Variants in AUTS2 observed in about 807,000 individuals in gnomAD.
AUTS2 encodes autism susceptibility gene 2 protein.
A neutral mutation model predicts 112.4 loss-of-function variants in AUTS2; 17 were observed. The ratio of observed to expected loss-of-function variants is 0.15; its 90% CI spans 0.10 to 0.23. The LOEUF (loss-of-function observed/expected upper bound fraction) is 0.23. Ranked by LOEUF, AUTS2 falls within the 10% of genes least tolerant of loss-of-function variation. The probability of loss-of-function intolerance (pLI) is 1.00; values close to 1 mark genes in which losing one functional copy is unlikely to be tolerated. For missense variants in AUTS2, 1,510 were observed against 1,701.6 expected, an observed-to-expected ratio of 0.89 and a Z score of 1.98; for synonymous variants, 751 against 702.7, an observed-to-expected ratio of 1.07 and a Z score of -1.09.
Position 70,321,826 on chromosome 7 carries a change from C to T in AUTS2, c.661-113926C>T, listed in dbSNP as rs189640193. On this transcript the variant is annotated intron_variant, in intron 4 of 18. Transcript: ENST00000342771. Reference sequence around the variant, plus strand: ...TGAATTTATTATTATATGTCCCTCCCGCCCCGAGAATAGTACCCTATAGTT... The same window carrying T: ...TGAATTTATTATTATATGTCCCTCCTGCCCCGAGAATAGTACCCTATAGTT... Among the ~76,000 whole-genome samples, 79 of 152,156 alleles carry T rather than the reference C, an allele frequency of 5.2e-4. No homozygotes were observed. The Middle Eastern group carries it at 0.01, about 20-fold the overall frequency.
intron 2 of AUTS2, among the ~76,000 whole-genome samples, chr7:70,094,507 C>T (rs561830294): frequency 2.6e-5 from 4 of 152,338 alleles, no homozygotes; most frequent in Admixed American, 2.6e-4. Context: ...CTGTTTTCTT[C>T]TCCCTTTTCA....
chr7:69,668,569 T>C (rs1347991760), intron 1 of AUTS2, among the ~76,000 whole-genome samples: 1 of 152,196 alleles, frequency 6.6e-6, no homozygotes, highest in Non-Finnish European at 1.5e-5. Flanking sequence ...AGAGTAAATA[T>C]CTTTTCTCTT....
chr7:69,897,464 C>G (rs1293562889), intron 1 of AUTS2, among the ~76,000 whole-genome samples: 1 of 151,946 alleles, frequency 6.6e-6, no homozygotes, highest in Non-Finnish European at 1.5e-5. Context: ...AATAGACTCC[C>G]TTAGGCCCTT....
At chr7:70,381,609 A>G (rs1367986362) in intron 4 of AUTS2, among the ~76,000 whole-genome samples, 1 of 152,206 alleles carries the variant, frequency 6.6e-6, no homozygotes, top group South Asian at 2.1e-4. Flanking sequence ...AATATTGTGG[A>G]CCTAAATGGA....
chr7:69,987,158 A>G (rs558313817), intron 2 of AUTS2, among the ~76,000 whole-genome samples: 1 of 152,330 alleles, frequency 6.6e-6, no homozygotes, highest in African/African-American at 2.4e-5. Context: ...AGCTATTTAT[A>G]AAGGAGTGAT....
At position 70,610,142 on chromosome 7, in the gene AUTS2, G is replaced by A. The variant is rs150040662; in HGVS notation, c.691-88427G>A. ...AGCCTCTGAGTAGCTAGGATTACAG[G>A]CATGTGCCACTGTGCCCAGGTAATT... On this transcript the variant is annotated intron_variant, in intron 5 of 18. Transcript: ENST00000342771. Among the ~76,000 whole-genome samples the A allele has an allele frequency of 8.8e-3, 1,342 of 152,174 alleles. 17 individuals are homozygous for A. The highest frequency in any genetic ancestry group is 0.029 in the African/African-American group (1,215 of 41,510).
At chr7:70,214,754 T>C (rs1811087946) in intron 4 of AUTS2, among the ~76,000 whole-genome samples, 1 of 152,230 alleles carries the variant, frequency 6.6e-6, no homozygotes, top group Non-Finnish European at 1.5e-5. Context: ...CTTGGATCTG[T>C]ATATTTGGCT....
At chr7:70,297,155 G>C (rs901283856) in intron 4 of AUTS2, among the ~76,000 whole-genome samples, 1 of 151,786 alleles carries the variant, frequency 6.6e-6, no homozygotes, top group Admixed American at 6.6e-5. Context: ...AGGCCTCCCA[G>C]GGTATACTTT....
intron 2 of AUTS2, among the ~76,000 whole-genome samples, chr7:70,012,066 C>G (rs1799831642): frequency 6.6e-6 from 1 of 152,186 alleles, no homozygotes; most frequent in East Asian, 1.9e-4. Context: ...CTTTCTTGCT[C>G]CATTTTCATC....
intron 1 of AUTS2, among the ~76,000 whole-genome samples, chr7:69,806,908 C>T (rs1383877549): frequency 1.3e-5 from 2 of 152,116 alleles, no homozygotes; most frequent in African/African-American, 2.4e-5. Context: ...CAGATTTGGT[C>T]GCGGGAAAAG....
chr7:70,683,665 A>C (rs1483047815), intron 5 of AUTS2, among the ~76,000 whole-genome samples: 3 of 152,272 alleles, frequency 2.0e-5, no homozygotes, highest in African/African-American at 7.2e-5. Flanking sequence ...ATTCATTTGC[A>C]ATACAGATCT....
chr7:69,817,686 GAGAGCTGGGC>G (rs1049373941), intron 1 of AUTS2, among the ~76,000 whole-genome samples: 3 of 152,114 alleles, frequency 2.0e-5, no homozygotes, highest in Non-Finnish European at 4.4e-5. Flanking sequence ...CAGAAGCGTG[GAGAGCTGGGC>G]AGAGGTGGAG....
intron 1 of AUTS2, among the ~76,000 whole-genome samples, chr7:69,642,569 G>A (rs1379954187): frequency 1.3e-5 from 2 of 152,180 alleles, no homozygotes; most frequent in Non-Finnish European, 2.9e-5. Context: ...GCTCAGTGAC[G>A]AGTGTATTCT....
chr7:70,460,238 A>G (rs1451082813), intron 5 of AUTS2, among the ~76,000 whole-genome samples: 3 of 151,398 alleles, frequency 2.0e-5, no homozygotes, highest in Non-Finnish European at 2.9e-5. Flanking sequence ...AGGAGGGACC[A>G]GAAAGGTGAG....
chr7:70,510,270 T>G (rs1209842150), intron 5 of AUTS2, among the ~76,000 whole-genome samples: 1 of 152,240 alleles, frequency 6.6e-6, no homozygotes, highest in South Asian at 2.1e-4. Flanking sequence ...CCCCATATCT[T>G]AGGCACTACA....
At chr7:70,703,758 G>A (rs1809590137) in intron 6 of AUTS2, among the ~76,000 whole-genome samples, 1 of 152,150 alleles carries the variant, frequency 6.6e-6, no homozygotes, top group South Asian at 2.1e-4. Flanking sequence ...TTTTTGTCAT[G>A]CCTTAAATTC....
chr7:69,838,438 C>A (rs149664461), intron 1 of AUTS2, among the ~76,000 whole-genome samples: 2 of 152,224 alleles, frequency 1.3e-5, no homozygotes, highest in African/African-American at 2.4e-5. Flanking sequence ...CCCTGTTTTA[C>A]AAGTGAGGAA....
At chr7:70,626,718 A>G (rs1277792573) in intron 5 of AUTS2, among the ~76,000 whole-genome samples, 1 of 152,084 alleles carries the variant, frequency 6.6e-6, no homozygotes, top group African/African-American at 2.4e-5. Flanking sequence ...TTTTATGTCC[A>G]TGTCTACCCA....
chr7:69,637,052 A>C (rs961868845), intron 1 of AUTS2, among the ~76,000 whole-genome samples: 17 of 152,204 alleles, frequency 1.1e-4, no homozygotes, highest in Non-Finnish European at 2.2e-4. Flanking sequence ...GGTGTGAGCC[A>C]CCGCGCCCGG....
Sources: gnomAD v4.1 joint callset for allele counts (sites outside exome capture counted in the v4.1 genomes callset) on GRCh38, gnomAD v4.1.1 for gene constraint, MANE v1.5 for transcripts, NCBI Gene and HGNC (gene_info 2026-07-23, HGNC 2026-07-21) for gene names.